ANKRD17: variants seen among roughly 807,000 people sequenced by gnomAD.
ANKRD17 encodes ankyrin repeat domain 17.
Under a neutral mutation model 229.7 loss-of-function variants are expected in ANKRD17, and 19 were observed. The ratio of observed to expected loss-of-function variants is 0.08; its 90% CI spans 0.06 to 0.12. ANKRD17 has a LOEUF of 0.12. Ranked by LOEUF, ANKRD17 falls within the 10% of genes least tolerant of loss-of-function variation. ANKRD17 has a pLI of 1.00. For missense variants in ANKRD17, 2,176 were observed against 3,176.8 expected (o/e 0.68, Z 7.57); for synonymous variants, 1,112 against 1,146.1 (o/e 0.97, Z 0.60).
At chr4:73,235,478 G>T (rs1346847391) in intron 1 of ANKRD17, among the ~76,000 whole-genome samples, 1 of 152,176 alleles carries the variant, frequency 6.6e-6, no homozygotes, top group African/African-American at 2.4e-5. Flanking sequence ...AGGTCCTTTT[G>T]TTCCTCTTAA....
chr4:73,153,770 A>AT, intron 6 of ANKRD17, 110 bp downstream of exon 6: 1 of 712,660 alleles, frequency 1.4e-6, no homozygotes, highest in Non-Finnish European at 2.1e-6. Flanking sequence ...CTTTAATTAC[A>AT]TACTATATAC....
Position 73,078,894 on chromosome 4 carries a change from G to A in ANKRD17, c.7160-4C>T, listed in dbSNP as rs1255295657. The A allele has an allele frequency of 1.9e-6, 3 of 1,607,312 alleles. No homozygotes were observed. In the African/African-American group the frequency reaches 4.0e-5, roughly 22 times the overall value. ...GATACTGACTGTGCAGAAGAATCTAGAGAAGAGATATTTTGAAATAAAATA... is the reference window on the plus strand; with the variant it reads ...GATACTGACTGTGCAGAAGAATCTAAAGAAGAGATATTTTGAAATAAAATA... On this transcript the variant is annotated splice_polypyrimidine_tract_variant and splice_region_variant and intron_variant, in intron 30 of 33. Coordinates refer to ENST00000358602, the MANE Select transcript of ANKRD17 (RefSeq NM_032217.5).
At position 73,228,156 on chromosome 4, in the gene ANKRD17, A is replaced by C. The variant is rs535027455; in HGVS notation, c.393+30120T>G. ...TACTGTGTAAATTATAGTAAAGCATAAGTATGAAACCCAAGTGTGAAAGAG... is the reference window on the plus strand; with the variant it reads ...TACTGTGTAAATTATAGTAAAGCATCAGTATGAAACCCAAGTGTGAAAGAG... On this transcript the variant is annotated intron_variant, in intron 1 of 33. Transcript: ENST00000358602. 5.4e-4 allele frequency among the ~76,000 whole-genome samples: 83 copies of C among 152,294 alleles called. 1 individual carries two copies. In the South Asian group the frequency reaches 0.016, roughly 29 times the overall value.
intron 1 of ANKRD17, among the ~76,000 whole-genome samples, chr4:73,256,415 T>C (rs936191535): frequency 6.6e-6 from 1 of 152,200 alleles, no homozygotes; most frequent in Admixed American, 6.5e-5. Context: ...TTTTAAGTAA[T>C]GGTATTTTGC....
rs995779555 is a variant in ANKRD17, at chr4:73,073,600, G to A, written c.*2631C>T. The A allele has an allele frequency of 6.6e-6, 1 of 151,980 alleles. No homozygotes were observed. The highest frequency in any genetic ancestry group is 2.4e-5 in the African/African-American group (1 of 41,424). The allele number at this position is 151,980 out of a possible 1,614,324, so 9.4% of individuals were successfully genotyped here. A position where few individuals can be genotyped will look rare whatever the true frequency, so the allele number is the denominator to read the frequency against. On this transcript the variant is annotated 3_prime_UTR_variant, in exon 34 of 34. Coordinates refer to ENST00000358602, the MANE Select transcript of ANKRD17 (RefSeq NM_032217.5). The stretch of plus-strand genomic sequence containing the variant: ...AATAAGCTATTTACCTTTTCCAAAG[G>A]AGAAAAATGACTATACGTAGTCATT...
At chr4:73,102,127 A>T (rs559597389) in intron 25 of ANKRD17, among the ~76,000 whole-genome samples, 73 of 151,232 alleles carry the variant, frequency 4.8e-4, no homozygotes, top group Admixed American at 1.1e-3. Context: ...ATTAAAAAAA[A>T]TTTTTTTCCT....
At position 73,116,870 on chromosome 4, in the gene ANKRD17, C is replaced by T. The variant is rs532263762; in HGVS notation, c.4189-954G>A. Among the ~76,000 whole-genome samples the T allele has an allele frequency of 4.0e-5, 6 of 151,810 alleles. No individual in the cohort carries two copies. The East Asian group carries it at 9.7e-4, about 25-fold the overall frequency. On this transcript the variant is annotated intron_variant, in intron 22 of 33. Transcript: ENST00000358602. ...TACACAACATATACTATGTTGCACC[C>T]TATATAATATAGTACTCTAGCCCAC...
intron 1 of ANKRD17, among the ~76,000 whole-genome samples, chr4:73,194,037 C>T (rs917063673): frequency 1.3e-5 from 2 of 152,136 alleles, no homozygotes; most frequent in African/African-American, 2.4e-5. Context: ...ACATGGCTTG[C>T]AAATATTTTC....
intron 16 of ANKRD17, among the ~76,000 whole-genome samples, chr4:73,130,126 C>CT (rs1325600496): frequency 6.6e-6 from 1 of 152,094 alleles, no homozygotes; most frequent in Non-Finnish European, 1.5e-5. Flanking sequence ...AAGAGCTGAA[C>CT]TTTTTTTACA....
intron 26 of ANKRD17, among the ~76,000 whole-genome samples, chr4:73,097,813 G>A (rs1452191670): frequency 6.7e-6 from 1 of 150,340 alleles, no homozygotes; most frequent in African/African-American, 2.5e-5. Context: ...TAATCCCTTG[G>A]AAACCACAAT....
intron 1 of ANKRD17, among the ~76,000 whole-genome samples, chr4:73,254,181 T>A (rs900094749): frequency 1.3e-5 from 2 of 152,230 alleles, no homozygotes; most frequent in Admixed American, 1.3e-4. Flanking sequence ...TATTTCCAAA[T>A]GAAGCTGAAC....
chr4:73,136,728 T>C (rs1018638104), intron 15 of ANKRD17, among the ~76,000 whole-genome samples: 1 of 152,106 alleles, frequency 6.6e-6, no homozygotes, highest in Non-Finnish European at 1.5e-5. Flanking sequence ...TTGATATACA[T>C]TTCAAAATCA....
chr4:73,251,576 T>C (rs1261815538), intron 1 of ANKRD17, among the ~76,000 whole-genome samples: 1 of 151,152 alleles, frequency 6.6e-6, no homozygotes, highest in Non-Finnish European at 1.5e-5. Flanking sequence ...TTGGTGTAGG[T>C]TACACCATGG....
chr4:73,103,865 G>T (rs1037646152), intron 24 of ANKRD17: 1 of 151,034 alleles, frequency 6.6e-6, no homozygotes, highest in Non-Finnish European at 1.5e-5. Context: ...GCAGCTGGGG[G>T]TTGTATACCA....
At chr4:73,171,556 C>T (rs1477371966) in intron 2 of ANKRD17, among the ~76,000 whole-genome samples, 1 of 152,130 alleles carries the variant, frequency 6.6e-6, no homozygotes, top group Admixed American at 6.5e-5. Flanking sequence ...CATGACCTCA[C>T]CAAATGAACT....
In ANKRD17 at chr4:73,206,720, G is replaced by A. The variant is rs1306801577; in HGVS notation, c.394-29187C>T. Among the ~76,000 whole-genome samples the A allele has an allele frequency of 3.0e-4, 45 of 152,190 alleles. 1 individual carries two copies. The highest frequency in any genetic ancestry group is 2.9e-3 in the Admixed American group (45 of 15,284). On this transcript the variant is annotated intron_variant, in intron 1 of 33. Coordinates refer to ENST00000358602, the MANE Select transcript of ANKRD17 (RefSeq NM_032217.5). ...CCAGAAAGATGTTGGTCAAAGGACA[G>A]AAATTTTCAGTTAAGAAGAAGAAGA...
rs1560586377 is a variant in ANKRD17, at chr4:73,142,680, A to G, written c.2045T>C (p.Leu682Pro). The change falls in exon 12 of 34, where the codon CTA becomes CCA. Residue 682 changes from leucine (L) to proline (P), a missense_variant. This residue lies in a region of ANKRD17 where 275 missense variants were observed against 386.9 expected (regional missense o/e 0.71). Coordinates refer to ENST00000358602, the MANE Select transcript of ANKRD17 (RefSeq NM_032217.5). The stretch of plus-strand genomic sequence containing the variant: ...AGGATCTGCCCCATGAGCCAAAAGT[A>G]GTTCCACCACTGCCAGATGACCCCC... ...CAGGHLAVVE[L>P]LLAHGADPTH... 3 of 1,614,114 alleles carry G rather than the reference A, an allele frequency of 1.9e-6. No homozygotes were observed. The highest frequency in any genetic ancestry group is 2.5e-6 in the Non-Finnish European group (3 of 1,179,962).
chr4:73,119,854 C>T (rs917231330), intron 21 of ANKRD17, among the ~76,000 whole-genome samples: 2 of 152,152 alleles, frequency 1.3e-5, no homozygotes, highest in African/African-American at 4.8e-5. Flanking sequence ...ACTTTTAAGA[C>T]TTGTGTGTGG....
intron 2 of ANKRD17, among the ~76,000 whole-genome samples, chr4:73,176,058 C>T (rs1460717886): frequency 6.6e-6 from 1 of 150,396 alleles, no homozygotes; most frequent in Non-Finnish European, 1.5e-5. Flanking sequence ...AACTACCCAG[C>T]TGACAATGAA....
Sources: gnomAD v4.1 joint callset for allele counts (sites outside exome capture counted in the v4.1 genomes callset) on GRCh38, gnomAD v4.1.1 for gene constraint, gnomAD v4.1.1 regional missense constraint, MANE v1.5 for transcripts, NCBI Gene and HGNC (gene_info 2026-07-23, HGNC 2026-07-21) for gene names.